The following TG variants were observed in gnomAD, a reference collection of about 807,000 sequenced individuals.
TG encodes the protein thyroid hormones.
In TG, 270 loss-of-function variants were observed where a neutral mutation model predicts 324.7. The ratio of observed to expected loss-of-function variants is 0.83; its 90% CI spans 0.75 to 0.92. The LOEUF (loss-of-function observed/expected upper bound fraction) is 0.92. TG is among the 40% of genes least tolerant of loss of function. The pLI is 0.00. For synonymous variants in TG, 1,401 were observed against 1,327.0 expected (o/e 1.06, Z -1.21); for missense variants, 3,591 against 3,456.4 (o/e 1.04, Z -0.98).
At chr8:132,889,823 C>G (rs1233358551) in intron 10 of TG, among the ~76,000 whole-genome samples, 1 of 152,200 alleles carries the variant, frequency 6.6e-6, no homozygotes, top group Non-Finnish European at 1.5e-5. Context: ...GTTGCCCAGG[C>G]TGGAGTGCAA....
In TG at chr8:132,901,486, G is replaced by A; in HGVS notation, c.3567G>A (p.Trp1189Ter). Reference sequence around the variant, plus strand: ...GTGACCAGGCCCAGGGCAGCTGCTGGTGTGTCATGGACAGCGGAGAAGAGG... The same window carrying A: ...GTGACCAGGCCCAGGGCAGCTGCTGATGTGTCATGGACAGCGGAGAAGAGG... Reference protein sequence around the residue: ...VQCDQAQGSCWCVMDSGEEVP... With the variant: ...VQCDQAQGSC The change falls in exon 16 of 48, where the codon TGG becomes TGA. Residue 1189 changes from tryptophan (W) to a stop codon, truncating the protein, a stop_gained. Coordinates refer to ENST00000220616, the MANE Select transcript of TG (RefSeq NM_003235.5). LOFTEE classifies it high-confidence loss of function. 6.2e-7 allele frequency: 1 copy of A among 1,614,190 alleles called. No individual in the cohort carries two copies. Among genetic ancestry groups the A allele is most frequent in the Non-Finnish European group, 8.5e-7 (1 of 1,180,052 alleles).
chr8:132,869,920 G>C, intron 3 of TG, 94 bp downstream of exon 3: 2 of 1,103,204 alleles, frequency 1.8e-6, no homozygotes, highest in Non-Finnish European at 2.7e-6. Context: ...GACTGAGCAG[G>C]TCCTCCCTCT....
intron 43 of TG, chr8:133,102,689 A>G (rs1849419171): frequency 3.3e-6 from 3 of 895,626 alleles, no homozygotes; most frequent in African/African-American, 1.7e-5. Flanking sequence ...CTTTCTTTCT[A>G]ACTGGTGAAA....
chr8:133,012,128 T>A, intron 36 of TG, 93 bp downstream of exon 36: 1 of 1,552,298 alleles, frequency 6.4e-7, no homozygotes, highest in Non-Finnish European at 8.8e-7. Flanking sequence ...CATGAGACAC[T>A]ACGATAACCT....
intron 23 of TG, 129 bp from the exon 24 acceptor site, chr8:132,933,432 A>ATT (rs1294180882): frequency 1.8e-6 from 1 of 554,286 alleles, no homozygotes. Context: ...GTATCTGCAT[A>ATT]TTTGTGTGTG....
chr8:133,076,791 G>A (rs991164963), intron 41 of TG: 4 of 144,684 alleles, frequency 2.8e-5, no homozygotes, highest in Non-Finnish European at 6.0e-5. Flanking sequence ...AACTGCAAAA[G>A]CCCTGCCCTT....
intron 25 of TG, 50 bp from the exon 26 acceptor site, chr8:132,941,301 C>G: frequency 6.2e-7 from 1 of 1,609,340 alleles, no homozygotes; most frequent in Non-Finnish European, 8.5e-7. Context: ...CTCTGTCCAA[C>G]TCTGCCATGT....
At chr8:133,132,169 C>T (rs774679720) in intron 46 of TG, among the ~76,000 whole-genome samples, 5 of 152,210 alleles carry the variant, frequency 3.3e-5, no homozygotes, top group Non-Finnish European at 7.3e-5. Flanking sequence ...ATACCAGCTG[C>T]ATTTGATGAC....
chr8:133,042,692 T>C lies in TG; in HGVS notation c.7239+12669T>C, dbSNP rs1375452747. On this transcript the variant is annotated intron_variant, in intron 41 of 47. Transcript: ENST00000220616. ...TCATTCTGTGTCTTTTTTTTTTTTT[T>C]TTTTTTTTTTTTTTTTTGTGAGATG... is the stretch of plus-strand genomic sequence containing the variant. Among the ~76,000 whole-genome samples, 8 of 124,782 alleles carry C rather than the reference T, an allele frequency of 6.4e-5. No homozygotes were observed. The South Asian group carries it at 1.9e-3, about 30-fold the overall frequency. The allele number at this position is 124,782 out of a possible 152,430, so 81.9% of individuals were successfully genotyped here.
At chr8:133,086,460 A>G (rs1318661329) in intron 41 of TG, among the ~76,000 whole-genome samples, 1 of 152,232 alleles carries the variant, frequency 6.6e-6, no homozygotes, top group Non-Finnish European at 1.5e-5. Flanking sequence ...TTCTTCTTTA[A>G]TACGGATGTT....
chr8:133,013,469 G>A, intron 36 of TG, 131 bp from the exon 37 acceptor site: 3 of 1,099,576 alleles, frequency 2.7e-6, no homozygotes, highest in Non-Finnish European at 4.1e-6. Context: ...ATTCATGGAT[G>A]CATGATTGGA....
intron 41 of TG, among the ~76,000 whole-genome samples, chr8:133,092,545 C>A (rs139023520): frequency 3.3e-4 from 50 of 152,156 alleles, no homozygotes; most frequent in African/African-American, 1.1e-3. Context: ...GCCACAGCTC[C>A]CACTGTGCAG....
chr8:133,041,937 G>A (rs1838332970), intron 41 of TG, among the ~76,000 whole-genome samples: 1 of 151,844 alleles, frequency 6.6e-6, no homozygotes, highest in Non-Finnish European at 1.5e-5. Context: ...ACAGTTGCAT[G>A]CCACCACACC....
chr8:133,080,138 C>T (rs761438692), intron 41 of TG, among the ~76,000 whole-genome samples: 17 of 152,050 alleles, frequency 1.1e-4, no homozygotes, highest in Non-Finnish European at 2.1e-4. Flanking sequence ...TCCAGAGTGA[C>T]TCTGGCATGA....
At chr8:133,115,559 A>T (rs186900917) in intron 44 of TG, among the ~76,000 whole-genome samples, 1 of 152,240 alleles carries the variant, frequency 6.6e-6, no homozygotes, top group East Asian at 1.9e-4. Flanking sequence ...GAAGACGGGC[A>T]CCCCTTTTGC....
intron 34 of TG, among the ~76,000 whole-genome samples, chr8:132,978,635 C>A (rs1830459246): frequency 6.6e-6 from 1 of 152,058 alleles, no homozygotes; most frequent in Admixed American, 6.5e-5. Context: ...AAATTCTGTT[C>A]TGCAAGGGAT....
intron 35 of TG, among the ~76,000 whole-genome samples, chr8:132,990,818 C>A (rs7844859): frequency 6.6e-6 from 1 of 151,968 alleles, no homozygotes; most frequent in African/African-American, 2.4e-5. Flanking sequence ...GTACTCAACC[C>A]GGATGTAAAC....
chr8:133,015,545 G>T (rs900271652), intron 37 of TG, among the ~76,000 whole-genome samples: 3 of 152,222 alleles, frequency 2.0e-5, no homozygotes, highest in Non-Finnish European at 2.9e-5. Context: ...GGCAGCCTCT[G>T]AAGGGAAGAC....
chr8:132,883,241 A>C (rs1814915177), intron 8 of TG: 1 of 542,432 alleles, frequency 1.8e-6, no homozygotes, highest in African/African-American at 1.9e-5. Flanking sequence ...TCATAGATGA[A>C]GAAAAATAAA....
Sources: gnomAD v4.1 joint callset for allele counts (sites outside exome capture counted in the v4.1 genomes callset) on GRCh38, gnomAD v4.1.1 for gene constraint, MANE v1.5 for transcripts, NCBI Gene and HGNC (gene_info 2026-07-23, HGNC 2026-07-21) for gene names.